HEYL: variants seen among roughly 807,000 people sequenced by gnomAD.
HEYL encodes the protein hairy/enhancer-of-split related with YRPW motif-like protein.
In HEYL, 12 loss-of-function variants were observed where a neutral mutation model predicts 18.6. The ratio of observed to expected loss-of-function variants is 0.65; its 90% CI spans 0.41 to 1.05. The LOEUF is 1.05. HEYL is among the 50% of genes least tolerant of loss of function. The probability of loss-of-function intolerance (pLI) is 0.00; values close to 1 mark genes in which losing one functional copy is unlikely to be tolerated. For synonymous variants in HEYL, 159 were observed against 179.6 expected (o/e 0.89, Z 0.91); for missense variants, 420 against 444.7 (o/e 0.94, Z 0.50).
In HEYL at chr1:39,624,516, AGAGGAG is replaced by A. The variant is rs879122375; in HGVS notation, c.*1985_*1990del. On this transcript the variant is annotated 3_prime_UTR_variant, in exon 5 of 5. Coordinates refer to ENST00000372852, the MANE Select transcript of HEYL (RefSeq NM_014571.4). Reference sequence around the variant, plus strand: ...GACCTGGTATCCCAGGAGCAGCAGGAGAGGAGGAGGAGGAGGAGGAGTTGTCCTTGT... The same window carrying A: ...GACCTGGTATCCCAGGAGCAGCAGGAGAGGAGGAGGAGGAGTTGTCCTTGT... The A allele has an allele frequency of 1.3e-5, 2 of 152,966 alleles. No individual in the cohort carries two copies. The highest frequency in any genetic ancestry group is 2.4e-5 in the African/African-American group (1 of 41,410). The allele number at this position is 152,966 out of a possible 1,614,324, so 9.5% of individuals were successfully genotyped here.
intron 1 of HEYL, among the ~76,000 whole-genome samples, chr1:39,634,196 G>C (rs1036510170): frequency 3.3e-5 from 5 of 152,180 alleles, no homozygotes; most frequent in Non-Finnish European, 7.3e-5. Context: ...CCCGGTTCAA[G>C]TAATTCTCCT....
intron 4 of HEYL, among the ~76,000 whole-genome samples, chr1:39,628,787 A>C (rs1254118371): frequency 6.6e-6 from 1 of 151,472 alleles, no homozygotes; most frequent in Non-Finnish European, 1.5e-5. Flanking sequence ...TATTTTTAGT[A>C]GAGATGGGGT....
At position 39,626,399 on chromosome 1, in the gene HEYL, C is replaced by T. The variant is rs1646297005; in HGVS notation, c.*108G>A. On this transcript the variant is annotated 3_prime_UTR_variant, in exon 5 of 5. Transcript: ENST00000372852. Reference sequence around the variant, plus strand: ...CTCTGATGGCTGGAGAACGTGCCTTCACATATGAGCCAGTCCATGAAGCAA... The same window carrying T: ...CTCTGATGGCTGGAGAACGTGCCTTTACATATGAGCCAGTCCATGAAGCAA... 2 of 1,024,566 alleles carry T rather than the reference C, an allele frequency of 2.0e-6. No individual in the cohort carries two copies. Among genetic ancestry groups the T allele is most frequent in the Non-Finnish European group, 2.8e-6 (2 of 725,634 alleles). 63.5% of individuals were successfully genotyped at this position (1,024,566 alleles called of 1,614,324 possible).
rs776537445 is a variant in HEYL, at chr1:39,627,048, A to C, written c.446T>G (p.Leu149Arg). 6.2e-7 allele frequency: 1 copy of C among 1,614,170 alleles called. No homozygotes were observed. Among genetic ancestry groups the C allele is most frequent in the Admixed American group, 1.7e-5 (1 of 60,032 alleles). Reference sequence around the variant, plus strand: ...TGCGTAGCTGTTGAGGTGGGAGAGAAGGCGAATCCGGACGGGGTCTGCACG... The same window carrying C: ...TGCGTAGCTGTTGAGGTGGGAGAGACGGCGAATCCGGACGGGGTCTGCACG... ...SSRADPVRIR[L>R]LSHLNSYAAE... The change falls in exon 5 of 5, where the codon CTT (leucine) becomes CGT (arginine). Residue 149 changes from leucine to arginine, a missense_variant. By Grantham distance (102) the Leu-to-Arg change is moderately radical. Coordinates refer to ENST00000372852, the MANE Select transcript of HEYL (RefSeq NM_014571.4).
At chr1:39,635,918 G>A (rs902714309) in intron 1 of HEYL, among the ~76,000 whole-genome samples, 15 of 152,186 alleles carry the variant, frequency 9.9e-5, no homozygotes, top group Admixed American at 3.3e-4. Context: ...GATTTTCATG[G>A]ACCCAGAGAA....
chr1:39,627,986 T>C (rs1646310276), intron 4 of HEYL, among the ~76,000 whole-genome samples: 1 of 152,228 alleles, frequency 6.6e-6, no homozygotes, highest in Non-Finnish European at 1.5e-5. Flanking sequence ...CTCTCTTTGA[T>C]GGATAACCAG....
At chr1:39,638,230 G>A (rs1646370218) in intron 1 of HEYL, among the ~76,000 whole-genome samples, 1 of 152,206 alleles carries the variant, frequency 6.6e-6, no homozygotes, top group Non-Finnish European at 1.5e-5. Context: ...TTGAGACTGA[G>A]GCAGGATCCT....
chr1:39,627,253 G>A, intron 4 of HEYL, 73 bp from the exon 5 acceptor site: 1 of 1,374,390 alleles, frequency 7.3e-7, no homozygotes, highest in South Asian at 1.4e-5. Flanking sequence ...GACTGTCTGA[G>A]TTCTGGACCT....
intron 1 of HEYL, 79 bp from the exon 2 acceptor site, chr1:39,632,794 A>T (rs1646341596): frequency 6.3e-7 from 1 of 1,587,558 alleles, no homozygotes; most frequent in Non-Finnish European, 8.6e-7. Flanking sequence ...GGCCAGGAGG[A>T]GCCACAGGCT....
At chr1:39,629,862 C>T (rs72663570) in intron 4 of HEYL, among the ~76,000 whole-genome samples, 20,222 of 152,246 alleles carry the variant, frequency 0.13, 1,794 homozygotes, top group Middle Eastern at 0.19. Flanking sequence ...TACCAGGCTC[C>T]TCCCTGGGTT....
At chr1:39,639,410 C>G (rs932481289) in intron 1 of HEYL, 136 bp downstream of exon 1, 4 of 605,810 alleles carry the variant, frequency 6.6e-6, no homozygotes, top group Non-Finnish European at 1.1e-5. Context: ...CCTACGCCGA[C>G]ACCTGTGGCC....
chr1:39,633,214 G>C (rs1646344790), intron 1 of HEYL: 9 of 644,048 alleles, frequency 1.4e-5, no homozygotes, highest in Non-Finnish European at 1.7e-5. Flanking sequence ...GCGGCCGGGG[G>C]CGAAGGGGAG....
In HEYL at chr1:39,626,612, A is replaced by G; in HGVS notation, c.882T>C (p.Ala294=). ...PGPTGSAAYV[A]VPTPNSSSPG... ...GGGAGGATGAGTTGGGGGTGGGAAC[A>G]GCCACGTAAGCAGCCGACCCTGTAG... Residue 294 remains alanine (A), a synonymous_variant, in exon 5 of 5, where the codon GCT becomes GCC. Transcript: ENST00000372852. 6.4e-7 allele frequency: 1 copy of G among 1,552,446 alleles called. No individual in the cohort carries two copies. The highest frequency in any genetic ancestry group is 1.2e-5 in the South Asian group (1 of 82,064).
Position 39,639,636 on chromosome 1 carries a change from G to A in HEYL, c.-11C>T. On this transcript the variant is annotated 5_prime_UTR_variant, in exon 1 of 5. Transcript: ENST00000372852. Reference sequence around the variant, plus strand: ...CTTGGGTCGCTTCATGGCGAACGCAGGCTGCCTGGTCTCAGCCCCGCGGCT... The same window carrying A: ...CTTGGGTCGCTTCATGGCGAACGCAAGCTGCCTGGTCTCAGCCCCGCGGCT... 2 of 1,544,572 alleles carry A rather than the reference G, an allele frequency of 1.3e-6. No homozygotes were observed. The highest frequency in any genetic ancestry group is 1.7e-6 in the Non-Finnish European group (2 of 1,152,112).
At chr1:39,638,759 C>T (rs1410824523) in intron 1 of HEYL, among the ~76,000 whole-genome samples, 9 of 152,244 alleles carry the variant, frequency 5.9e-5, no homozygotes. Flanking sequence ...AAGCCCTTGA[C>T]ATACTTTGCC....
At chr1:39,628,660 C>A (rs1014029686) in intron 4 of HEYL, among the ~76,000 whole-genome samples, 1 of 152,014 alleles carries the variant, frequency 6.6e-6, no homozygotes, top group Non-Finnish European at 1.5e-5. Context: ...TGCAGTGGTG[C>A]GATCTCGACT....
rs137911802 is a variant in HEYL at position 39,625,988 on chromosome 1, TC to T, written c.*518del. The T allele has an allele frequency of 0.068, 10,423 of 153,060 alleles. 400 individuals carry two copies. The highest frequency in any genetic ancestry group is 0.073 in the Non-Finnish European group (5,004 of 68,680). 9.5% of individuals were successfully genotyped at this position (153,060 alleles called of 1,614,324 possible). ...ACAGGTGGGAAGGGGCAGACAGGGT[TC>T]CCAGGAGACCTCTTTGTAGCCCCTG... On this transcript the variant is annotated 3_prime_UTR_variant, in exon 5 of 5. Transcript: ENST00000372852.
chr1:39,633,533 T>G (rs916662221), intron 1 of HEYL: 4 of 152,238 alleles, frequency 2.6e-5, no homozygotes, highest in Non-Finnish European at 5.9e-5. Context: ...CACTGAGGCA[T>G]CATTCATTTG....
chr1:39,626,990 G>A lies in HEYL; in HGVS notation c.504C>T (p.Gly168=), dbSNP rs1342757685. The A allele has an allele frequency of 6.2e-7, 1 of 1,614,172 alleles. No homozygotes were observed. Among genetic ancestry groups the A allele is most frequent in the Non-Finnish European group, 8.5e-7 (1 of 1,180,006 alleles). The change falls in exon 5 of 5, where the codon GGC becomes GGT. Residue 168 remains glycine (G), a synonymous_variant. Coordinates refer to ENST00000372852, the MANE Select transcript of HEYL (RefSeq NM_014571.4). ...AEMEPSPTPT[G]PLAFPAWPWS... ...AGGGCCAGGCAGGGAAGGCCAAAGGGCCAGTGGGCGTGGGCGAAGGCTCCA... is the reference window on the plus strand; with the variant it reads ...AGGGCCAGGCAGGGAAGGCCAAAGGACCAGTGGGCGTGGGCGAAGGCTCCA...
Sources: gnomAD v4.1 joint callset for allele counts (sites outside exome capture counted in the v4.1 genomes callset) on GRCh38, gnomAD v4.1.1 for gene constraint, MANE v1.5 for transcripts, NCBI Gene and HGNC (gene_info 2026-07-23, HGNC 2026-07-21) for gene names.